PREPL: variants seen among roughly 807,000 people sequenced by gnomAD.
PREPL encodes the protein prolyl endopeptidase-like.
PREPL carries 77 observed loss-of-function variants against 70.6 expected under a neutral mutation model. The observed-to-expected ratio is 1.09, with a 90% CI of 0.91 to 1.32. The LOEUF is 1.32. Among genes scored for constraint, PREPL ranks in the 40% most tolerant of loss-of-function variants. The pLI, the probability that PREPL is intolerant of heterozygous loss-of-function variation, is 0.00. For synonymous variants in PREPL, 315 were observed against 264.8 expected (o/e 1.19, Z -1.84); for missense variants, 1,002 against 778.2 (o/e 1.29, Z -3.42).
intron 1 of PREPL, among the ~76,000 whole-genome samples, chr2:44,357,303 T>C (rs1677155204): frequency 2.0e-5 from 3 of 152,232 alleles, no homozygotes. Flanking sequence ...TTTTCTACTT[T>C]ATTACACCCT....
At chr2:44,344,173 T>A (rs1266530373) in intron 3 of PREPL, among the ~76,000 whole-genome samples, 1 of 152,188 alleles carries the variant, frequency 6.6e-6, no homozygotes, top group Non-Finnish European at 1.5e-5. Flanking sequence ...CTATGAGACA[T>A]TATTTGATAT....
chr2:44,358,801 C>T (rs979988840), intron 1 of PREPL, among the ~76,000 whole-genome samples: 120 of 152,166 alleles, frequency 7.9e-4, no homozygotes, highest in African/African-American at 2.7e-3. Flanking sequence ...TGGTCAAAAA[C>T]GCAAGATTAT....
intron 7 of PREPL, among the ~76,000 whole-genome samples, chr2:44,334,453 A>C (rs894165592): frequency 2.5e-4 from 38 of 151,556 alleles, no homozygotes; most frequent in African/African-American, 8.2e-4. Context: ...TTTTTGTGAC[A>C]AAAAAAAATA....
intron 1 of PREPL, 148 bp from the exon 2 acceptor site, chr2:44,346,538 G>T: frequency 1.4e-6 from 1 of 712,882 alleles, no homozygotes; most frequent in Non-Finnish European, 2.3e-6. Context: ...GATTGTAAAT[G>T]TTCTTTCCTA....
Position 44,318,776 on chromosome 2 carries a change from T to C in PREPL, c.*2580A>G, listed in dbSNP as rs1205421559. On this transcript the variant is annotated 3_prime_UTR_variant, in exon 14 of 14. Coordinates refer to ENST00000409411, the MANE Select transcript of PREPL (RefSeq NM_001171613.2). ...AAATTACAAAAATCAGGCTTGGAAG[T>C]ATTTAATAGCAGACAAAATATAGTT... The C allele has an allele frequency of 6.6e-6, 1 of 152,210 alleles. No homozygotes were observed. The highest frequency in any genetic ancestry group is 2.4e-5 in the African/African-American group (1 of 41,446). 9.4% of individuals were successfully genotyped at this position (152,210 alleles called of 1,614,324 possible). A position where few individuals can be genotyped will look rare whatever the true frequency, so the allele number is the denominator to read the frequency against.
rs766786010 is a variant in PREPL, at chr2:44,326,804, G to C, written c.1387C>G (p.Leu463Val). The change falls in exon 10 of 14, where the codon CTA becomes GTA. Residue 463 changes from leucine (L) to valine (V), a missense_variant. By Grantham distance (32) the Leu-to-Val change is conservative (BLOSUM62 1). Transcript: ENST00000409411. ...GCACTGAAAGCAGTCAGGGTTGTTA[G>C]ACTTGGCTGAGAAAAGCCTTGGCCA... ...LHGQGFSQPS[L>V]TTLTAFSAGG... is the part of the protein sequence containing the mutation. 2.5e-6 allele frequency: 4 copies of C among 1,614,042 alleles called. No individual in the cohort carries two copies. Among genetic ancestry groups the C allele is most frequent in the Non-Finnish European group, 3.4e-6 (4 of 1,180,038 alleles).
intron 7 of PREPL, among the ~76,000 whole-genome samples, chr2:44,334,980 G>A (rs1674490515): frequency 6.6e-6 from 1 of 152,132 alleles, no homozygotes; most frequent in Admixed American, 6.5e-5. Context: ...TGTATGGATG[G>A]CACTGTCTAT....
At chr2:44,346,221 G>C (rs1675804124) in intron 2 of PREPL, 47 bp downstream of exon 2, 3 of 1,524,510 alleles carry the variant, frequency 2.0e-6, no homozygotes, top group African/African-American at 2.8e-5. Flanking sequence ...TTTGCATCTT[G>C]ATTGGTAATA....
In PREPL at chr2:44,318,593, A is replaced by G; in HGVS notation, c.*2763T>C. The G allele has an allele frequency of 6.7e-6, 1 of 149,984 alleles. No individual in the cohort carries two copies. Among genetic ancestry groups the G allele is most frequent in the Non-Finnish European group, 1.5e-5 (1 of 67,480 alleles). 9.3% of individuals were successfully genotyped at this position (149,984 alleles called of 1,614,324 possible). On this transcript the variant is annotated 3_prime_UTR_variant, in exon 14 of 14. Coordinates refer to ENST00000409411, the MANE Select transcript of PREPL (RefSeq NM_001171613.2). ...CCAACTGTGTAAAGAAAAATATATA[A>G]ACATATGAAATGATACATTCTGTGC...
In PREPL at chr2:44,319,602, T is replaced by C. The variant is rs1056865; in HGVS notation, c.*1754A>G. On this transcript the variant is annotated 3_prime_UTR_variant, in exon 14 of 14. Transcript: ENST00000409411. ...CTGTAAAATAAACCCAAATCATCTT[T>C]AATGAACACATACTATTATGGTAAA... 0.54 allele frequency: 82,096 copies of C among 152,404 alleles called. 24,544 individuals carry two copies. The highest frequency in any genetic ancestry group is 0.68 in the Non-Finnish European group (46,365 of 68,260). The allele number at this position is 152,404 out of a possible 1,614,324, so 9.4% of individuals were successfully genotyped here.
At position 44,320,637 on chromosome 2, in the gene PREPL, T is replaced by C; in HGVS notation, c.*719A>G. Reference sequence around the variant, plus strand: ...ACTGAACATACTGTATACCTCGTGTTAGGCACCTTTATGAAGAGATGAAGA... The same window carrying C: ...ACTGAACATACTGTATACCTCGTGTCAGGCACCTTTATGAAGAGATGAAGA... On this transcript the variant is annotated 3_prime_UTR_variant, in exon 14 of 14. Transcript: ENST00000409411. 11 of 1,612,924 alleles carry C rather than the reference T, an allele frequency of 6.8e-6. No individual in the cohort carries two copies. Among genetic ancestry groups the C allele is most frequent in the Non-Finnish European group, 9.3e-6 (11 of 1,178,960 alleles).
chr2:44,326,636 A>G, intron 10 of PREPL, 76 bp downstream of exon 10: 1 of 1,488,164 alleles, frequency 6.7e-7, no homozygotes, highest in African/African-American at 1.4e-5. Context: ...TGCCAGCCCA[A>G]AAACATTTTT....
rs772325027 is a variant in PREPL at position 44,343,862 on chromosome 2, CA to C, written c.231del (p.Asp77GlufsTer9). Reference protein sequence around the residue: ...PFIDCIRVAPDEKYVAAKIRT... With the variant: ...PFIDCIRVAPXEKYVAAKIRT... Reference sequence around the variant, plus strand: ...CTTATCTTGGCAGCCACATATTTTTCATCTGGAGCAACTCTGATACAATCAA... The same window carrying C: ...CTTATCTTGGCAGCCACATATTTTTCTCTGGAGCAACTCTGATACAATCAA... On this transcript the variant is annotated frameshift_variant, in exon 4 of 14. Coordinates refer to ENST00000409411, the MANE Select transcript of PREPL (RefSeq NM_001171613.2). LOFTEE classifies it high-confidence loss of function. 1 of 1,614,026 alleles carries C rather than the reference CA, an allele frequency of 6.2e-7. No homozygotes were observed. The highest frequency in any genetic ancestry group is 8.5e-7 in the Non-Finnish European group (1 of 1,179,926).
chr2:44,329,170 TC>T (rs1293749690), intron 8 of PREPL, 58 bp from the exon 9 acceptor site: 2 of 1,410,528 alleles, frequency 1.4e-6, no homozygotes, highest in Non-Finnish European at 2.0e-6. Flanking sequence ...AACTGTTTTA[TC>T]CCAATTTAAA....
chr2:44,321,664 C>T, intron 13 of PREPL, 163 bp downstream of exon 13: 1 of 1,528,090 alleles, frequency 6.5e-7, no homozygotes, highest in Non-Finnish European at 8.8e-7. Context: ...AGAGACATTT[C>T]TCTTGATTGA....
rs145356495 is a variant in PREPL, at chr2:44,339,233, G to A, written c.616C>T (p.Arg206Ter). 15 of 1,613,904 alleles carry A rather than the reference G, an allele frequency of 9.3e-6. No individual in the cohort carries two copies. Among genetic ancestry groups the A allele is most frequent in the African/African-American group, 4.0e-5 (3 of 74,898 alleles). Reference sequence around the variant, plus strand: ...ACATAGTAAAGGACCCCATGTATTCGCTTCTGGATAAGTACTGGTGGGTCC... The same window carrying A: ...ACATAGTAAAGGACCCCATGTATTCACTTCTGGATAAGTACTGGTGGGTCC... The part of the protein sequence containing the change: ...PWDPPVLIQK[R>*]IHGVLYYVEH... Residue 206 changes from arginine (R) to a stop codon, truncating the protein, a stop_gained, in exon 6 of 14, where the codon CGA becomes TGA. Coordinates refer to ENST00000409411, the MANE Select transcript of PREPL (RefSeq NM_001171613.2). LOFTEE classifies it high-confidence loss of function.
upstream of PREPL, chr2:44,361,837 G>A: frequency 7.9e-7 from 1 of 1,263,370 alleles, no homozygotes; most frequent in Non-Finnish European, 1.0e-6. Context: ...GGCCCTGGTT[G>A]CCAAGGAGAT....
intron 8 of PREPL, 61 bp downstream of exon 8, chr2:44,332,398 C>A: frequency 7.1e-7 from 1 of 1,412,638 alleles, no homozygotes. Flanking sequence ...AACTGCATGG[C>A]ATCTGGCAAA....
In PREPL at chr2:44,342,410, C is replaced by T. The variant is rs768487050; in HGVS notation, c.485+7G>A. On this transcript the variant is annotated splice_region_variant and intron_variant, in intron 5 of 13. Coordinates refer to ENST00000409411, the MANE Select transcript of PREPL (RefSeq NM_001171613.2). ...GAGAGAAAGATTTAATTATATTATT[C>T]TAGTACCTTGGGTCTTTTTCTGTGT... is the stretch of plus-strand genomic sequence containing the variant. The T allele has an allele frequency of 1.9e-6, 3 of 1,606,814 alleles. No homozygotes were observed. In the South Asian group the frequency reaches 3.3e-5, roughly 18 times the overall value.
Sources: allele counts gnomAD v4.1 joint callset (sites outside exome capture counted in the v4.1 genomes callset), GRCh38; gene constraint gnomAD v4.1.1; transcripts MANE v1.5; gene names NCBI Gene and HGNC (gene_info 2026-07-23, HGNC 2026-07-21).